Variants in PCDHGA2 observed in about 807,000 individuals in gnomAD.
The protein encoded by PCDHGA2 is protocadherin gamma-A2.
PCDHGA2 carries 40 observed loss-of-function variants against 59.2 expected under a neutral mutation model. That is an observed-to-expected ratio of 0.68 (90% CI 0.52 to 0.88). PCDHGA2 has a LOEUF of 0.88. Ranked by LOEUF, PCDHGA2 falls within the 40% of genes least tolerant of loss-of-function variation. The pLI is 0.00. For synonymous variants in PCDHGA2, 560 were observed against 526.0 expected (o/e 1.06, Z -0.89); for missense variants, 1,226 against 1,204.0 (o/e 1.02, Z -0.27).
chr5:141,414,849 C>G (rs10038103), intron 1 of PCDHGA2: 1 of 1,614,134 alleles, frequency 6.2e-7, no homozygotes, highest in African/African-American at 1.3e-5. Flanking sequence ...TTGTGCTGGA[C>G]CAGAACGACA....
In PCDHGA2 at chr5:141,477,116, G is replaced by A. The variant is rs771557201; in HGVS notation, c.2425-17691G>A. ...AGACAAGGGCGCCAATCCCGAAGGA[G>A]CACATTGCAAAGTGTTGGTGGAGGT... On this transcript the variant is annotated intron_variant, in intron 1 of 3. Transcript: ENST00000394576. This position sits in a 1 kb window ranked among gnomAD's most constrained non-coding sequence, Gnocchi z 4.9. 1 of 1,614,252 alleles carries A rather than the reference G, an allele frequency of 6.2e-7. No homozygotes were observed. The highest frequency in any genetic ancestry group is 8.5e-7 in the Non-Finnish European group (1 of 1,180,052).
At chr5:141,388,360 A>T in intron 1 of PCDHGA2, 4 of 1,613,996 alleles carry the variant, frequency 2.5e-6, no homozygotes, top group Non-Finnish European at 3.4e-6. Flanking sequence ...TCTGCCCATG[A>T]TGCGGATATT....
chr5:141,365,834 T>C (rs980364147), intron 1 of PCDHGA2: 8 of 1,613,928 alleles, frequency 5.0e-6, no homozygotes, highest in South Asian at 1.1e-5. Flanking sequence ...GGCGCCCTTG[T>C]CCTCCTATGT....
intron 1 of PCDHGA2, chr5:141,399,376 A>G: frequency 6.2e-7 from 1 of 1,613,956 alleles, no homozygotes; most frequent in Non-Finnish European, 8.5e-7. Flanking sequence ...GTACAATGTC[A>G]CCATCACAGC....
intron 1 of PCDHGA2, chr5:141,415,696 G>A (rs867312295): frequency 2.9e-6 from 4 of 1,397,470 alleles, no homozygotes; most frequent in Non-Finnish European, 3.8e-6. Flanking sequence ...GGTGGAAAGT[G>A]TAAATGCTAA....
intron 1 of PCDHGA2, chr5:141,478,778 C>A: frequency 6.7e-7 from 1 of 1,488,178 alleles, no homozygotes; most frequent in Non-Finnish European, 8.9e-7. Flanking sequence ...ATCTGTGGAC[C>A]TAATTCACAT....
At chr5:141,419,556 C>A (rs202164819) in intron 1 of PCDHGA2, 227 of 1,611,892 alleles carry the variant, frequency 1.4e-4, no homozygotes, top group Non-Finnish European at 8.6e-5. Context: ...CTGTACCCTG[C>A]GCTGGGTCCC....
In PCDHGA2 at chr5:141,341,234, C is replaced by CA; in HGVS notation, c.2264dup (p.His755GlnfsTer32). On this transcript the variant is annotated frameshift_variant, in exon 1 of 4. Transcript: ENST00000394576. LOFTEE classifies it high-confidence loss of function. ...TCGGGCTTTCCTGCAGACCTATTCC[C>CA]ACGAGGTCTCCCTCACTGCGGACTC... 1.2e-6 allele frequency: 2 copies of CA among 1,614,238 alleles called. No individual in the cohort carries two copies. The highest frequency in any genetic ancestry group is 2.2e-5 in the East Asian group (1 of 44,878).
chr5:141,348,728 G>T (rs1229427030), intron 1 of PCDHGA2, among the ~76,000 whole-genome samples: 1 of 152,152 alleles, frequency 6.6e-6, no homozygotes, highest in Non-Finnish European at 1.5e-5. Flanking sequence ...AAAGGGAGGA[G>T]AAGTTCATAG....
chr5:141,365,760 A>G, intron 1 of PCDHGA2: 1 of 1,613,756 alleles, frequency 6.2e-7, no homozygotes, highest in Non-Finnish European at 8.5e-7. Context: ...GTGACAGCCC[A>G]TGACCCCGAC....
Position 141,423,666 on chromosome 5 carries a change from AT to A in PCDHGA2, c.2425-71138del, listed in dbSNP as rs1184681047. 2.7e-6 allele frequency: 4 copies of A among 1,494,382 alleles called. No individual in the cohort carries two copies. The South Asian group carries it at 5.0e-5, about 19-fold the overall frequency. The allele number at this position is 1,494,382 out of a possible 1,614,324, so 92.6% of individuals were successfully genotyped here. A position where few individuals can be genotyped will look rare whatever the true frequency, so the allele number is the denominator to read the frequency against. ...GTGACCCGACAAGTAATCAGGTGAGATTTATTTCTCTGCCTCCTAATTGTTG... is the reference window on the plus strand; with the variant it reads ...GTGACCCGACAAGTAATCAGGTGAGATTATTTCTCTGCCTCCTAATTGTTG... On this transcript the variant is annotated intron_variant, in intron 1 of 3. Coordinates refer to ENST00000394576, the MANE Select transcript of PCDHGA2 (RefSeq NM_018915.4).
intron 1 of PCDHGA2, chr5:141,370,568 G>T (rs968157637): frequency 1.9e-6 from 3 of 1,613,930 alleles, no homozygotes; most frequent in Admixed American, 1.7e-5. Flanking sequence ...GGTTTGGCGT[G>T]GGGGATTTAC....
At chr5:141,374,130 T>A (rs368568776) in intron 1 of PCDHGA2, 2 of 1,604,204 alleles carry the variant, frequency 1.2e-6, no homozygotes, top group Middle Eastern at 1.7e-4. Context: ...CAGGTCCTGC[T>A]CCTCACGCTC....
chr5:141,360,965 T>A (rs780001160), intron 1 of PCDHGA2: 1 of 1,613,786 alleles, frequency 6.2e-7, no homozygotes, highest in Admixed American at 1.7e-5. Context: ...AACGCAGAGA[T>A]CACCTACTCC....
At chr5:141,510,040 G>A (rs2099879305) in intron 3 of PCDHGA2, among the ~76,000 whole-genome samples, 1 of 152,220 alleles carries the variant, frequency 6.6e-6, no homozygotes, top group Non-Finnish European at 1.5e-5. Flanking sequence ...GTTATGTAGA[G>A]GTTAAAAGTG....
intron 1 of PCDHGA2, chr5:141,409,110 A>T: frequency 6.2e-7 from 1 of 1,614,060 alleles, no homozygotes; most frequent in Non-Finnish European, 8.5e-7. Context: ...ATGATTAAGA[A>T]TAACCAGTCA....
At chr5:141,377,605 C>CAAAA (rs71576112) in intron 1 of PCDHGA2, 1 of 140,670 alleles carries the variant, frequency 7.1e-6, no homozygotes. Flanking sequence ...CTCTCTCTCT[C>CAAAA]AAAAAAAAAA....
chr5:141,419,505 G>A lies in PCDHGA2; in HGVS notation c.2425-75302G>A, dbSNP rs115850576. The A allele has an allele frequency of 8.4e-4, 1,351 of 1,612,324 alleles. 13 individuals are homozygous for A. In the African/African-American group the frequency reaches 0.015, roughly 18 times the overall value. The stretch of plus-strand genomic sequence containing the variant: ...GCGCTCAGCGCCAATGTGAGCCTGC[G>A]CGTGTTGGTGGGCGACCGTAACGAC... On this transcript the variant is annotated intron_variant, in intron 1 of 3. Transcript: ENST00000394576.
At chr5:141,508,682 C>G (rs2099870913) in intron 3 of PCDHGA2, among the ~76,000 whole-genome samples, 1 of 152,080 alleles carries the variant, frequency 6.6e-6, no homozygotes, top group Non-Finnish European at 1.5e-5. Context: ...TCCCTTCTCC[C>G]TGCTTCTCCG....
Sources: gnomAD v4.1 joint callset for allele counts (sites outside exome capture counted in the v4.1 genomes callset) on GRCh38, gnomAD v4.1.1 for gene constraint, Gnocchi (gnomAD v3.1) non-coding constraint, MANE v1.5 for transcripts, NCBI Gene and HGNC (gene_info 2026-07-23, HGNC 2026-07-21) for gene names.